The following SMPD3 variants were observed in gnomAD, a reference collection of about 807,000 sequenced individuals.
SMPD3 encodes sphingomyelin phosphodiesterase 3.
SMPD3 carries 21 observed loss-of-function variants against 55.7 expected under a neutral mutation model. That is an observed-to-expected ratio of 0.38 (90% CI 0.27 to 0.54). SMPD3 has a LOEUF of 0.54. SMPD3 is among the 20% of genes least tolerant of loss of function. SMPD3 has a pLI of 0.80. For synonymous variants in SMPD3, 457 were observed against 404.3 expected (o/e 1.13, Z -1.56); for missense variants, 842 against 899.6 (o/e 0.94, Z 0.82).
At chr16:68,436,811 C>T (rs1048632181) in intron 1 of SMPD3, among the ~76,000 whole-genome samples, 9 of 152,174 alleles carry the variant, frequency 5.9e-5, no homozygotes, top group African/African-American at 2.2e-4. Flanking sequence ...GGCAAAGGGT[C>T]TCAAGAGCTT....
At chr16:68,434,243 G>C (rs1240019015) in intron 1 of SMPD3, among the ~76,000 whole-genome samples, 1 of 152,182 alleles carries the variant, frequency 6.6e-6, no homozygotes, top group Admixed American at 6.5e-5. Flanking sequence ...CAGGTACTGA[G>C]AGAAGAATGT....
intron 1 of SMPD3, among the ~76,000 whole-genome samples, chr16:68,405,770 C>T (rs1020714228): frequency 1.5e-4 from 23 of 152,202 alleles, no homozygotes; most frequent in Middle Eastern, 3.4e-3. Flanking sequence ...CACAGGATGG[C>T]ATGCCACAGT....
rs145970038 is a variant in SMPD3 at position 68,365,197 on chromosome 16, C to T, written c.1324-105G>A. 419 of 1,135,254 alleles carry T rather than the reference C, an allele frequency of 3.7e-4. 1 individual carries two copies. The African/African-American group carries it at 5.6e-3, about 15-fold the overall frequency. The allele number at this position is 1,135,254 out of a possible 1,614,324, so 70.3% of individuals were successfully genotyped here. On this transcript the variant is annotated intron_variant, in intron 3 of 8. Transcript: ENST00000219334. ...ACCCATGAGGTCAGACCCTCACAAGCCTGGCTCCTGGCTGGATTCTGGGGT... is the reference window on the plus strand; with the variant it reads ...ACCCATGAGGTCAGACCCTCACAAGTCTGGCTCCTGGCTGGATTCTGGGGT...
intron 3 of SMPD3, among the ~76,000 whole-genome samples, chr16:68,367,152 CAG>C (rs2089505682): frequency 6.6e-6 from 1 of 152,116 alleles, no homozygotes; most frequent in South Asian, 2.1e-4. Flanking sequence ...GCCTGGGCGA[CAG>C]AATGAGACTG....
intron 1 of SMPD3, among the ~76,000 whole-genome samples, chr16:68,392,717 C>G (rs1024750642): frequency 9.3e-5 from 14 of 149,918 alleles, no homozygotes; most frequent in Admixed American, 7.4e-4. Context: ...AAAAATTAGC[C>G]GGGTATGGTG....
chr16:68,374,741 C>T lies in SMPD3; in HGVS notation c.-206-2354G>A, dbSNP rs186608980. Among the ~76,000 whole-genome samples the T allele has an allele frequency of 1.2e-4, 18 of 152,354 alleles. No homozygotes were observed. The East Asian group carries it at 3.1e-3, about 26-fold the overall frequency. On this transcript the variant is annotated intron_variant, in intron 2 of 8. Coordinates refer to ENST00000219334, the MANE Select transcript of SMPD3 (RefSeq NM_018667.4). ...GCTGGAGGGTTCCCCCCCAGCAAACCTGCAGCCCTCATTGTGTGGAGCCGG... is the reference window on the plus strand; with the variant it reads ...GCTGGAGGGTTCCCCCCCAGCAAACTTGCAGCCCTCATTGTGTGGAGCCGG...
Position 68,447,836 on chromosome 16 carries a change from G to T in SMPD3, c.-269+517C>A, listed in dbSNP as rs1375079029. On this transcript the variant is annotated intron_variant, in intron 1 of 8. Transcript: ENST00000219334. This position sits in a 1 kb window ranked among gnomAD's most constrained non-coding sequence, Gnocchi z 5.1. ...GAGGGGGGCGAGTGTGGAGGAAGGG[G>T]CCTGGGCAAGGGTCTTCCCTGCATC... 2.0e-5 allele frequency among the ~76,000 whole-genome samples: 3 copies of T among 152,122 alleles called. No homozygotes were observed. The highest frequency in any genetic ancestry group is 6.5e-5 in the Admixed American group (1 of 15,280).
intron 1 of SMPD3, among the ~76,000 whole-genome samples, chr16:68,406,919 TC>T (rs2090258839): frequency 1.3e-5 from 2 of 152,108 alleles, no homozygotes; most frequent in South Asian, 4.1e-4. Context: ...CAGCAGCACA[TC>T]GGGGCATGGG....
chr16:68,377,808 G>A (rs1454316673), intron 2 of SMPD3, among the ~76,000 whole-genome samples: 1 of 152,230 alleles, frequency 6.6e-6, no homozygotes, highest in Non-Finnish European at 1.5e-5. Flanking sequence ...GGTGCAAAGG[G>A]TCCTAGGTGG....
In SMPD3 at chr16:68,359,329, G is replaced by A. The variant is rs920243635; in HGVS notation, c.*1877C>T. 1 of 152,430 alleles carries A rather than the reference G, an allele frequency of 6.6e-6. No individual in the cohort carries two copies. The highest frequency in any genetic ancestry group is 1.5e-5 in the Non-Finnish European group (1 of 68,138). 9.4% of individuals were successfully genotyped at this position (152,430 alleles called of 1,614,324 possible). ...ACAGGCCAGCCCCTTGGAGGGGTGGGCCGGGCAGAGAGCCCAGCAGGATGC... is the reference window on the plus strand; with the variant it reads ...ACAGGCCAGCCCCTTGGAGGGGTGGACCGGGCAGAGAGCCCAGCAGGATGC... On this transcript the variant is annotated 3_prime_UTR_variant, in exon 9 of 9. Transcript: ENST00000219334.
At chr16:68,365,891 T>C (rs1325240929) in intron 3 of SMPD3, among the ~76,000 whole-genome samples, 1 of 152,176 alleles carries the variant, frequency 6.6e-6, no homozygotes, top group Non-Finnish European at 1.5e-5. Context: ...ATAACTGCCC[T>C]ACCCCAGGTG....
chr16:68,417,392 C>A (rs907103464), intron 1 of SMPD3, among the ~76,000 whole-genome samples: 1 of 152,188 alleles, frequency 6.6e-6, no homozygotes, highest in Non-Finnish European at 1.5e-5. Context: ...TGATTGATAG[C>A]CTCTTACCCC....
rs754876623 is a variant in SMPD3 at position 68,371,348 on chromosome 16, C to T, written c.834G>A (p.Gln278=). 5 of 1,583,232 alleles carry T rather than the reference C, an allele frequency of 3.2e-6. No homozygotes were observed. In the South Asian group the frequency reaches 4.5e-5, roughly 14 times the overall value. The change falls in exon 3 of 9, where the codon CAG becomes CAA. Residue 278 remains glutamine, a synonymous_variant. Transcript: ENST00000219334. ...CGTCCTGCTGATTATGGTTGGGCGTCTGGCCCCTTGGGCCCCCGCCAGCTC... is the reference window on the plus strand; with the variant it reads ...CGTCCTGCTGATTATGGTTGGGCGTTTGGCCCCTTGGGCCCCCGCCAGCTC... ...RNGAGGGPRG[Q]TPNHNQQDGD...
chr16:68,361,319 G>C lies in SMPD3; in HGVS notation c.1867-12C>G, dbSNP rs1413938978. 1.2e-6 allele frequency: 2 copies of C among 1,603,010 alleles called. No individual in the cohort carries two copies. The highest frequency in any genetic ancestry group is 3.4e-5 in the Admixed American group (2 of 58,806). ...AATTCTTCCACCTCCTGGGGTGAGT[G>C]GGAGAGGGGAGAAACAGCCTGGTCA... On this transcript the variant is annotated splice_polypyrimidine_tract_variant and intron_variant, in intron 8 of 8. Transcript: ENST00000219334.
chr16:68,392,084 G>A (rs1435317315), intron 1 of SMPD3, among the ~76,000 whole-genome samples: 1 of 152,098 alleles, frequency 6.6e-6, no homozygotes, highest in Admixed American at 6.5e-5. Context: ...TAGAGACAGG[G>A]TTTCACCACG....
intron 1 of SMPD3, among the ~76,000 whole-genome samples, chr16:68,410,947 C>T (rs763456974): frequency 6.6e-6 from 1 of 152,256 alleles, no homozygotes; most frequent in Non-Finnish European, 1.5e-5. Context: ...TCAGACTTCA[C>T]GGCAGATGCC....
At chr16:68,363,991 C>T in intron 5 of SMPD3, 125 bp from the exon 6 acceptor site, 1 of 866,428 alleles carries the variant, frequency 1.2e-6, no homozygotes, top group South Asian at 1.7e-5. Flanking sequence ...GGCCACTGCC[C>T]CTGGGTGGGA....
chr16:68,364,759 C>G lies in SMPD3; in HGVS notation c.1547G>C (p.Cys516Ser). ...VVCGDFNFDN[C>S]SSDDKLEQQH... ...GAGGAGCCCGGCCTCACCAGAGGAG[C>G]AGTTATCAAAGTTGAAATCTCCACA... Residue 516 changes from cysteine (C) to serine (S), a missense_variant, in exon 5 of 9, where the codon TGC (cysteine) becomes TCC (serine). Transcript: ENST00000219334. 6.2e-7 allele frequency: 1 copy of G among 1,613,206 alleles called. No individual in the cohort carries two copies. The highest frequency in any genetic ancestry group is 8.5e-7 in the Non-Finnish European group (1 of 1,179,638).
At chr16:68,386,968 C>T (rs1483749669) in intron 1 of SMPD3, among the ~76,000 whole-genome samples, 1 of 152,202 alleles carries the variant, frequency 6.6e-6, no homozygotes, top group Non-Finnish European at 1.5e-5. Flanking sequence ...CACTGGGACC[C>T]AGGCCAGGCG....
Sources: gnomAD v4.1 joint callset for allele counts (sites outside exome capture counted in the v4.1 genomes callset) on GRCh38, gnomAD v4.1.1 for gene constraint, Gnocchi (gnomAD v3.1) non-coding constraint, MANE v1.5 for transcripts, NCBI Gene and HGNC (gene_info 2026-07-23, HGNC 2026-07-21) for gene names.